The following UST variants were observed in gnomAD, a reference collection of about 807,000 sequenced individuals.
UST encodes uronyl 2-sulfotransferase, also known as chondroitin sulfate 2-O-sulfotransferase.
Under a neutral mutation model 45.6 loss-of-function variants are expected in UST, and 21 were observed. The observed-to-expected ratio is 0.46, with a 90% CI of 0.33 to 0.66. The LOEUF is 0.66. Among genes scored for constraint, UST ranks in the 30% least tolerant of loss-of-function variants. UST has a pLI of 0.02. For missense variants in UST, 463 were observed against 512.4 expected (o/e 0.90, Z 0.93); for synonymous variants, 215 against 200.6 (o/e 1.07, Z -0.61).
intron 5 of UST, among the ~76,000 whole-genome samples, chr6:148,981,138 G>C (rs1373094769): frequency 6.6e-6 from 1 of 152,140 alleles, no homozygotes; most frequent in South Asian, 2.1e-4. Flanking sequence ...TAGAATTCCA[G>C]TTGCCCATGT....
intron 7 of UST, among the ~76,000 whole-genome samples, chr6:149,058,730 T>G (rs1378959726): frequency 6.6e-6 from 1 of 152,216 alleles, no homozygotes; most frequent in African/African-American, 2.4e-5. Flanking sequence ...AAGAGATACA[T>G]TTTGTTGATA....
At chr6:149,034,337 G>C (rs1272378775) in intron 7 of UST, among the ~76,000 whole-genome samples, 1 of 151,978 alleles carries the variant, frequency 6.6e-6, no homozygotes, top group Non-Finnish European at 1.5e-5. Context: ...ATTACTTTTG[G>C]TATTATTTAA....
intron 1 of UST, among the ~76,000 whole-genome samples, chr6:148,772,273 A>G (rs370084179): frequency 1.9e-4 from 29 of 152,304 alleles, no homozygotes; most frequent in East Asian, 7.7e-4. Flanking sequence ...GAAGGATGCT[A>G]TGTGCCCAAG....
intron 3 of UST, among the ~76,000 whole-genome samples, chr6:148,951,652 G>A (rs1319454741): frequency 2.0e-5 from 3 of 152,138 alleles, no homozygotes; most frequent in South Asian, 2.1e-4. Flanking sequence ...GAGACCTCAA[G>A]CAATGGCAGC....
intron 3 of UST, among the ~76,000 whole-genome samples, chr6:148,952,012 C>T (rs1284124476): frequency 6.6e-6 from 1 of 152,190 alleles, no homozygotes; most frequent in Non-Finnish European, 1.5e-5. Context: ...TTCCTTCTGA[C>T]CTGTTCTTCC....
chr6:148,966,300 T>C (rs1055178731), intron 5 of UST, among the ~76,000 whole-genome samples: 1 of 152,130 alleles, frequency 6.6e-6, no homozygotes, highest in Non-Finnish European at 1.5e-5. Flanking sequence ...TTTTATTTGG[T>C]GAGACGTGTA....
At chr6:149,049,860 C>T (rs1776454142) in intron 7 of UST, among the ~76,000 whole-genome samples, 1 of 151,766 alleles carries the variant, frequency 6.6e-6, no homozygotes, top group Non-Finnish European at 1.5e-5. Context: ...TGGATTTCAT[C>T]AGTTCACCTG....
intron 1 of UST, among the ~76,000 whole-genome samples, chr6:148,873,326 G>A (rs933403585): frequency 4.6e-5 from 7 of 152,026 alleles, no homozygotes; most frequent in African/African-American, 1.4e-4. Flanking sequence ...TGAGATGGGG[G>A]CCCCCATCTC....
chr6:148,991,826 G>A (rs999269036), intron 5 of UST, among the ~76,000 whole-genome samples: 6 of 151,990 alleles, frequency 3.9e-5, no homozygotes, highest in African/African-American at 1.2e-4. Flanking sequence ...TAAGCATATT[G>A]CCCTGAAAAG....
intron 2 of UST, among the ~76,000 whole-genome samples, chr6:148,887,775 G>A (rs1308278213): frequency 1.3e-5 from 2 of 152,168 alleles, no homozygotes; most frequent in Non-Finnish European, 2.9e-5. Flanking sequence ...TACTTGGGAA[G>A]GGGTTGTGCT....
At chr6:148,961,959 G>A (rs183509929) in intron 4 of UST, among the ~76,000 whole-genome samples, 3 of 152,308 alleles carry the variant, frequency 2.0e-5, no homozygotes, top group East Asian at 3.9e-4. Flanking sequence ...GTAGCATGGT[G>A]GTATTCTGGC....
At chr6:148,996,411 G>T (rs1020226179) in intron 5 of UST, among the ~76,000 whole-genome samples, 1 of 152,144 alleles carries the variant, frequency 6.6e-6, no homozygotes, top group African/African-American at 2.4e-5. Flanking sequence ...TAAAGATGGG[G>T]TTTTGCCATG....
In UST at chr6:148,780,570, A is replaced by G. The variant is rs1342902921; in HGVS notation, c.247+32893A>G. ...TTTCTGTTCCTATGTTAGTTTGCTA[A>G]GGATAATGGCCTCCAGCTCCATCCA... is the stretch of plus-strand genomic sequence containing the variant. On this transcript the variant is annotated intron_variant, in intron 1 of 7. Transcript: ENST00000367463. Among the ~76,000 whole-genome samples, 4 of 152,348 alleles carry G rather than the reference A, an allele frequency of 2.6e-5. No homozygotes were observed. In the East Asian group the frequency reaches 7.7e-4, roughly 29 times the overall value.
At chr6:148,922,126 AAAGTG>A (rs1382018351) in intron 2 of UST, among the ~76,000 whole-genome samples, 2 of 152,224 alleles carry the variant, frequency 1.3e-5, no homozygotes, top group Non-Finnish European at 2.9e-5. Flanking sequence ...TCTCCCTTTT[AAAGTG>A]TACAATTCAG....
At chr6:148,861,902 A>G (rs1778323126) in intron 1 of UST, among the ~76,000 whole-genome samples, 1 of 151,786 alleles carries the variant, frequency 6.6e-6, no homozygotes, top group Admixed American at 6.6e-5. Context: ...TTTGCTGAGG[A>G]GTGCTTTACT....
intron 5 of UST, among the ~76,000 whole-genome samples, chr6:148,980,266 A>G (rs1358524799): frequency 1.3e-5 from 2 of 151,826 alleles, no homozygotes; most frequent in Admixed American, 1.3e-4. Flanking sequence ...AGTCAGTCCA[A>G]TCAGCAGTGA....
At chr6:149,013,072 C>T (rs1254765019) in intron 5 of UST, among the ~76,000 whole-genome samples, 1 of 152,172 alleles carries the variant, frequency 6.6e-6, no homozygotes, top group African/African-American at 2.4e-5. Flanking sequence ...ACAAGAGGTA[C>T]AGCCAAGATT....
At chr6:148,763,849 C>T (rs59610378) in intron 1 of UST, among the ~76,000 whole-genome samples, 1 of 152,152 alleles carries the variant, frequency 6.6e-6, no homozygotes, top group East Asian at 1.9e-4. Context: ...TCTTCTATTG[C>T]TCTATATGTC....
At chr6:148,961,399 TCAC>T (rs775739902) in intron 4 of UST, among the ~76,000 whole-genome samples, 53 of 152,324 alleles carry the variant, frequency 3.5e-4, no homozygotes, top group Non-Finnish European at 6.9e-4. Context: ...TCAGCCGTAG[TCAC>T]CACAATTTTT....
Sources: gnomAD v4.1 joint callset for allele counts (sites outside exome capture counted in the v4.1 genomes callset) on GRCh38, gnomAD v4.1.1 for gene constraint, MANE v1.5 for transcripts, NCBI Gene and HGNC (gene_info 2026-07-23, HGNC 2026-07-21) for gene names.